The following RADIL variants were observed in gnomAD, a reference collection of about 807,000 sequenced individuals.
RADIL encodes the protein ras-associating and dilute domain-containing protein.
In RADIL, 99 loss-of-function variants were observed where a neutral mutation model predicts 97.6. The observed-to-expected ratio is 1.01, with a 90% CI of 0.86 to 1.20. The LOEUF is 1.20. RADIL is among the 50% of genes most tolerant of loss of function. The pLI is 0.00. For missense variants in RADIL, 1,765 were observed against 1,498.9 expected (o/e 1.18, Z -2.93); for synonymous variants, 803 against 691.8 (o/e 1.16, Z -2.52).
rs140258738 is a variant in RADIL at position 4,880,026 on chromosome 7, C to T, written c.-64-1823G>A. Among the ~76,000 whole-genome samples the T allele has an allele frequency of 3.0e-4, 45 of 152,306 alleles. 1 individual carries two copies. In the East Asian group the frequency reaches 7.3e-3, roughly 25 times the overall value. ...ACTGGGTTCCCAACGCGGACGTCTG[C>T]CCTGCGGGGTGGGTGGCTGGCCCTT... On this transcript the variant is annotated intron_variant, in intron 1 of 14. Transcript: ENST00000399583. The surrounding 1 kb of genome is among the most constrained non-coding windows in gnomAD (Gnocchi z 4.5).
intron 9 of RADIL, among the ~76,000 whole-genome samples, chr7:4,809,787 A>AT (rs913631401): frequency 2.6e-5 from 4 of 151,918 alleles, no homozygotes; most frequent in East Asian, 3.9e-4. Flanking sequence ...AGTTCAAGTG[A>AT]TTCATACGTC....
intron 2 of RADIL, among the ~76,000 whole-genome samples, chr7:4,865,170 C>A (rs964417641): frequency 6.6e-6 from 1 of 152,220 alleles, no homozygotes; most frequent in Admixed American, 6.5e-5. Context: ...GACTGGCTTA[C>A]ATTTCACCTC....
rs377119676 is a variant in RADIL at position 4,877,831 on chromosome 7, G to A, written c.309C>T (p.Asp103=). The change falls in exon 2 of 15, where the codon GAC becomes GAT. Residue 103 remains aspartate (D), a synonymous_variant. Coordinates refer to ENST00000399583, the MANE Select transcript of RADIL (RefSeq NM_018059.5). ...VKEALERYAL[D]PRQAGQYVLC... Reference sequence around the variant, plus strand: ...GCACGTACTGGCCGGCCTGCCTGGGGTCCAGGGCGTACCGCTCCAGCGCCT... The same window carrying A: ...GCACGTACTGGCCGGCCTGCCTGGGATCCAGGGCGTACCGCTCCAGCGCCT... 5.7e-5 allele frequency: 91 copies of A among 1,607,798 alleles called. No homozygotes were observed. The African/African-American group carries it at 1.0e-3, about 18-fold the overall frequency.
chr7:4,830,361 C>G (rs915792570), intron 5 of RADIL, among the ~76,000 whole-genome samples: 9 of 151,878 alleles, frequency 5.9e-5, no homozygotes, highest in Non-Finnish European at 1.3e-4. Context: ...GCAGGGGCTG[C>G]ACGTCTGTAT....
intron 2 of RADIL, among the ~76,000 whole-genome samples, chr7:4,874,006 C>T (rs1205784202): frequency 3.3e-5 from 5 of 152,222 alleles, no homozygotes; most frequent in African/African-American, 4.8e-5. Context: ...CGCCTAGTGC[C>T]GGCTGCAAAC....
intron 2 of RADIL, among the ~76,000 whole-genome samples, chr7:4,848,483 G>A (rs1297031271): frequency 6.6e-6 from 1 of 152,002 alleles, no homozygotes. Context: ...TCTTAAAAGA[G>A]GGAAGACAAC....
At position 4,861,057 on chromosome 7, in the gene RADIL, T is replaced by C. The variant is rs1783978176; in HGVS notation, c.535+16548A>G. ...AGCTGACAAGTTCTTGCTACTAGCA[T>C]GGCCCAGGAAACACCTCCGAGGAAA... On this transcript the variant is annotated intron_variant, in intron 2 of 14. Transcript: ENST00000399583. 6.2e-6 allele frequency: 10 copies of C among 1,614,248 alleles called. No individual in the cohort carries two copies. Among genetic ancestry groups the C allele is most frequent in the South Asian group, 4.4e-5 (4 of 91,088 alleles).
intron 5 of RADIL, among the ~76,000 whole-genome samples, chr7:4,826,540 C>T (rs1782983296): frequency 6.6e-6 from 1 of 151,916 alleles, no homozygotes; most frequent in South Asian, 2.1e-4. Context: ...CGAGACCAGC[C>T]TGGCCAATAT....
chr7:4,846,107 C>G (rs1783562544), intron 2 of RADIL, among the ~76,000 whole-genome samples: 1 of 149,714 alleles, frequency 6.7e-6, no homozygotes, highest in Non-Finnish European at 1.5e-5. Context: ...CTCTTTTGTT[C>G]CAGAGCTACA....
chr7:4,825,058 T>C (rs1782935602), intron 5 of RADIL, among the ~76,000 whole-genome samples: 1 of 151,262 alleles, frequency 6.6e-6, no homozygotes, highest in African/African-American at 2.4e-5. Context: ...CCCAGGCCTG[T>C]GTGGACGGAG....
Position 4,824,530 on chromosome 7 carries a change from C to T in RADIL, c.1455-1976G>A, listed in dbSNP as rs1171303315. On this transcript the variant is annotated intron_variant, in intron 5 of 14. Transcript: ENST00000399583. The surrounding 1 kb of genome is among the most constrained non-coding windows in gnomAD (Gnocchi z 6.7). Reference sequence around the variant, plus strand: ...TGGGGGAGGAACCCCAGGCTGCGTCCCAGATTCTCCCCGGTACCCAAAGTG... The same window carrying T: ...TGGGGGAGGAACCCCAGGCTGCGTCTCAGATTCTCCCCGGTACCCAAAGTG... Among the ~76,000 whole-genome samples, 1 of 152,198 alleles carries T rather than the reference C, an allele frequency of 6.6e-6. No homozygotes were observed. Among genetic ancestry groups the T allele is most frequent in the African/African-American group, 2.4e-5 (1 of 41,428 alleles).
At chr7:4,870,030 G>T (rs4720434) in intron 2 of RADIL, among the ~76,000 whole-genome samples, 53,895 of 152,064 alleles carry the variant, frequency 0.35, 9,975 homozygotes, top group African/African-American at 0.43. Flanking sequence ...TCTCAGCTAC[G>T]CAGAGGGGCT....
At chr7:4,805,893 C>A (rs1782290031) in intron 9 of RADIL, 177 bp from the exon 10 acceptor site, 1 of 985,390 alleles carries the variant, frequency 1.0e-6, no homozygotes, top group Non-Finnish European at 1.2e-6. Flanking sequence ...ACCCCTGGCA[C>A]TTCCAAGGGC....
chr7:4,864,306 T>G (rs1222029925), intron 2 of RADIL, among the ~76,000 whole-genome samples: 1 of 152,212 alleles, frequency 6.6e-6, no homozygotes, highest in Admixed American at 6.5e-5. Flanking sequence ...TGCTGATTCC[T>G]CCTCCTTTAC....
chr7:4,800,211 C>G lies in RADIL; in HGVS notation c.2942G>C (p.Arg981Pro). ...FCYVFTVELE[R>P]GPSGLGMGLI... ...GCCCATCCCCAGCCCGGAGGGGCCT[C>G]GTTCCAGCTCCACCGTGAAGACGTA... Residue 981 changes from arginine (R) to proline (P), a missense_variant, in exon 13 of 15, where the codon CGA becomes CCA. Arg to Pro is a moderately radical substitution (Grantham distance 103, BLOSUM62 -2). Coordinates refer to ENST00000399583, the MANE Select transcript of RADIL (RefSeq NM_018059.5). 1 of 1,608,174 alleles carries G rather than the reference C, an allele frequency of 6.2e-7. No homozygotes were observed. Among genetic ancestry groups the G allele is most frequent in the Non-Finnish European group, 8.5e-7 (1 of 1,178,028 alleles).
chr7:4,862,724 C>CCCGTG (rs146881957), intron 2 of RADIL, among the ~76,000 whole-genome samples: 3,104 of 151,976 alleles, frequency 0.02, 124 homozygotes, highest in African/African-American at 0.072. Context: ...ATGGAGAAAC[C>CCCGTG]CCGTCACTAC....
intron 13 of RADIL, 98 bp downstream of exon 13, chr7:4,800,073 T>C: frequency 7.0e-7 from 1 of 1,434,340 alleles, no homozygotes; most frequent in South Asian, 1.4e-5. Context: ...AAGGCCTTCC[T>C]GTAGCCACGT....
chr7:4,798,933 CCT>C lies in RADIL; in HGVS notation c.*443_*444del, dbSNP rs1343144961. The C allele has an allele frequency of 5.5e-6, 1 of 182,786 alleles. No individual in the cohort carries two copies. Among genetic ancestry groups the C allele is most frequent in the Non-Finnish European group, 1.2e-5 (1 of 85,644 alleles). 11.3% of individuals were successfully genotyped at this position (182,786 alleles called of 1,614,324 possible). On this transcript the variant is annotated 3_prime_UTR_variant, in exon 15 of 15. Coordinates refer to ENST00000399583, the MANE Select transcript of RADIL (RefSeq NM_018059.5). ...CTGTTGGAGCTGCTTCCTGCAGTGC[CCT>C]GTGTCTGGGTGGGACGGGGGCAGGG...
intron 2 of RADIL, chr7:4,858,971 T>C (rs1366722385): frequency 6.6e-6 from 1 of 152,174 alleles, no homozygotes; most frequent in East Asian, 1.9e-4. Context: ...TCAAAGAAAA[T>C]GTTTGATTGC....
Sources: allele counts gnomAD v4.1 joint callset (sites outside exome capture counted in the v4.1 genomes callset), GRCh38; gene constraint gnomAD v4.1.1; non-coding constraint Gnocchi (gnomAD v3.1); transcripts MANE v1.5; gene names NCBI Gene and HGNC (gene_info 2026-07-23, HGNC 2026-07-21).